Variants in LINGO1 observed in about 807,000 individuals in gnomAD.
LINGO1 encodes leucine-rich repeat and immunoglobulin-like domain-containing nogo receptor-interacting protein 1.
Under a neutral mutation model 37.3 loss-of-function variants are expected in LINGO1, and 11 were observed. That is an observed-to-expected ratio of 0.29 (90% CI 0.19 to 0.49). The LOEUF (loss-of-function observed/expected upper bound fraction) is 0.49. LINGO1 is among the 20% of genes least tolerant of loss of function. LINGO1 has a pLI of 0.99. For missense variants in LINGO1, 585 were observed against 878.2 expected (o/e 0.67, Z 4.22); for synonymous variants, 387 against 403.0 (o/e 0.96, Z 0.48).
chr15:77,726,606 A>G (rs1454376577), intron 2 of LINGO1, among the ~76,000 whole-genome samples: 1 of 152,262 alleles, frequency 6.6e-6, no homozygotes, highest in Non-Finnish European at 1.5e-5. Flanking sequence ...CAAATGGGTG[A>G]AAGACCTAAA....
At chr15:77,800,261 T>C (rs1014360247) in intron 1 of LINGO1, among the ~76,000 whole-genome samples, 8 of 152,172 alleles carry the variant, frequency 5.3e-5, no homozygotes, top group African/African-American at 1.9e-4. Flanking sequence ...ACAGCTGCCA[T>C]CCTGTCCCCA....
At chr15:77,627,963 T>C (rs1353214980) in intron 1 of LINGO1, among the ~76,000 whole-genome samples, 1 of 152,208 alleles carries the variant, frequency 6.6e-6, no homozygotes, top group Non-Finnish European at 1.5e-5. Context: ...ACATTTCATA[T>C]ACCAGAAACC....
At chr15:77,704,854 G>C (rs1424642628) in intron 2 of LINGO1, among the ~76,000 whole-genome samples, 1 of 152,060 alleles carries the variant, frequency 6.6e-6, no homozygotes, top group Non-Finnish European at 1.5e-5. Flanking sequence ...ACTGAGCCCT[G>C]GTCCCACCCT....
chr15:77,621,952 C>T (rs1024058358), intron 1 of LINGO1, among the ~76,000 whole-genome samples: 4 of 152,222 alleles, frequency 2.6e-5, no homozygotes, highest in Non-Finnish European at 5.9e-5. Flanking sequence ...GTCTGCCCCA[C>T]GAAGGCTGGG....
intron 1 of LINGO1, among the ~76,000 whole-genome samples, chr15:77,773,031 C>T (rs886685926): frequency 1.3e-5 from 2 of 152,142 alleles, no homozygotes; most frequent in African/African-American, 2.4e-5. Flanking sequence ...GACACCTGGT[C>T]GAGAGCCAAG....
At chr15:77,690,334 A>G (rs935276060) in intron 2 of LINGO1, among the ~76,000 whole-genome samples, 4 of 152,196 alleles carry the variant, frequency 2.6e-5, no homozygotes, top group African/African-American at 4.8e-5. Context: ...CCCCAACCCT[A>G]GTTCCAAACC....
intron 1 of LINGO1, among the ~76,000 whole-genome samples, chr15:77,738,568 T>C (rs1168646883): frequency 6.6e-6 from 1 of 152,152 alleles, no homozygotes; most frequent in Non-Finnish European, 1.5e-5. Context: ...TTTCTAAGCA[T>C]TTCCTCCGCC....
chr15:77,742,607 T>C (rs2076275259), intron 1 of LINGO1, among the ~76,000 whole-genome samples: 1 of 152,194 alleles, frequency 6.6e-6, no homozygotes, highest in South Asian at 2.1e-4. Context: ...TCATCCAGGA[T>C]GTAGAAGCCA....
upstream of LINGO1, among the ~76,000 whole-genome samples, chr15:77,634,883 C>T (rs947322886): frequency 2.0e-5 from 3 of 152,206 alleles, no homozygotes; most frequent in Non-Finnish European, 4.4e-5. Flanking sequence ...GCCAGGCACC[C>T]GGCGGGCGCG....
At chr15:77,658,012 G>A (rs1380648984) in intron 3 of LINGO1, among the ~76,000 whole-genome samples, 1 of 152,202 alleles carries the variant, frequency 6.6e-6, no homozygotes, top group Admixed American at 6.5e-5. Context: ...TCCCGGGGGT[G>A]GGAGGGGAGT....
At chr15:77,705,850 C>CGGTCACAATGGAGGTGAGGGGCCCA (rs2075846066) in intron 2 of LINGO1, among the ~76,000 whole-genome samples, 1 of 152,166 alleles carries the variant, frequency 6.6e-6, no homozygotes, top group East Asian at 1.9e-4. Flanking sequence ...AAGACCACCA[C>CGGTCACAATGGAGGTGAGGGGCCCA]GGTCACAATG....
chr15:77,638,276 C>A (rs992371193), upstream of LINGO1, among the ~76,000 whole-genome samples: 1 of 148,428 alleles, frequency 6.7e-6, no homozygotes, highest in African/African-American at 2.6e-5. Context: ...CTCAGCACTA[C>A]CCCCGCCGAA....
At chr15:77,663,794 TG>T (rs1162119046) in intron 3 of LINGO1, among the ~76,000 whole-genome samples, 3 of 152,154 alleles carry the variant, frequency 2.0e-5, no homozygotes, top group Non-Finnish European at 2.9e-5. Flanking sequence ...GAGTGGGGGA[TG>T]GGGAGAGCCT....
At chr15:77,694,957 C>T (rs1460441011) in intron 1 of LINGO1, among the ~76,000 whole-genome samples, 1 of 152,132 alleles carries the variant, frequency 6.6e-6, no homozygotes, top group Non-Finnish European at 1.5e-5. Flanking sequence ...GAAGCTGCCA[C>T]CCACTGGCAC....
chr15:77,724,589 C>T (rs917690719), intron 2 of LINGO1, among the ~76,000 whole-genome samples: 31 of 152,214 alleles, frequency 2.0e-4, no homozygotes, highest in Admixed American at 2.0e-3. Context: ...CTCGCCTCTC[C>T]GGGCTCAGTT....
chr15:77,687,924 T>C (rs1206757394), intron 2 of LINGO1, among the ~76,000 whole-genome samples: 1 of 152,172 alleles, frequency 6.6e-6, no homozygotes, highest in Non-Finnish European at 1.5e-5. Flanking sequence ...GGCACTGTCT[T>C]GGGGCTACCA....
intron 1 of LINGO1, among the ~76,000 whole-genome samples, chr15:77,782,247 G>A (rs896989272): frequency 2.7e-5 from 4 of 147,762 alleles, no homozygotes; most frequent in Admixed American, 6.7e-5. Flanking sequence ...ACACACACAC[G>A]TGCCCGCATA....
intron 2 of LINGO1, among the ~76,000 whole-genome samples, chr15:77,701,974 C>T (rs1045341783): frequency 1.3e-5 from 2 of 152,110 alleles, no homozygotes; most frequent in African/African-American, 4.8e-5. Flanking sequence ...AGATGAAGGC[C>T]CAGCTGAGAG....
chr15:77,687,976 G>A (rs1388835299), intron 2 of LINGO1, among the ~76,000 whole-genome samples: 6 of 152,190 alleles, frequency 3.9e-5, no homozygotes, highest in Non-Finnish European at 1.5e-5. Context: ...GCTCAACCCA[G>A]CGGCTCCTTG....
Sources: allele counts gnomAD v4.1 joint callset (sites outside exome capture counted in the v4.1 genomes callset), GRCh38; gene constraint gnomAD v4.1.1; transcripts MANE v1.5; gene names NCBI Gene and HGNC (gene_info 2026-07-23, HGNC 2026-07-21).